VMP1: variants seen among roughly 807,000 people sequenced by gnomAD.
VMP1 encodes the protein ectopic P-granules autophagy protein 3 homolog.
Under a neutral mutation model 56.0 loss-of-function variants are expected in VMP1, and 11 were observed. That is an observed-to-expected ratio of 0.20 (90% CI 0.12 to 0.32). VMP1 has a LOEUF of 0.32. VMP1 is among the 10% of genes least tolerant of loss of function. The probability of loss-of-function intolerance (pLI) is 1.00; values close to 1 mark genes in which losing one functional copy is unlikely to be tolerated. For synonymous variants in VMP1, 149 were observed against 165.0 expected (o/e 0.90, Z 0.74); for missense variants, 296 against 490.3 (o/e 0.60, Z 3.74).
intron 10 of VMP1, among the ~76,000 whole-genome samples, chr17:59,822,220 CA>C (rs991082088): frequency 1.3e-5 from 2 of 151,924 alleles, no homozygotes; most frequent in African/African-American, 4.8e-5. Flanking sequence ...TATCAGATCC[CA>C]AAGGGTATCC....
At chr17:59,803,579 G>C (rs2037746503) in intron 7 of VMP1, among the ~76,000 whole-genome samples, 1 of 152,114 alleles carries the variant, frequency 6.6e-6, no homozygotes, top group Admixed American at 6.6e-5. Context: ...ATCATCTCAG[G>C]CACTTAAGTT....
chr17:59,799,729 A>G (rs1232877065), intron 7 of VMP1, among the ~76,000 whole-genome samples: 3 of 152,156 alleles, frequency 2.0e-5, no homozygotes, highest in Non-Finnish European at 4.4e-5. Flanking sequence ...TTGGGAGGCC[A>G]AGGCGGGAGG....
intron 7 of VMP1, among the ~76,000 whole-genome samples, chr17:59,805,004 T>C (rs2037799399): frequency 6.6e-6 from 1 of 152,196 alleles, no homozygotes; most frequent in Admixed American, 6.5e-5. Context: ...TAATAAAATT[T>C]GTGAAATCCT....
At chr17:59,823,701 A>C (rs549412700) in intron 10 of VMP1, among the ~76,000 whole-genome samples, 2 of 152,172 alleles carry the variant, frequency 1.3e-5, no homozygotes, top group East Asian at 3.9e-4. Flanking sequence ...CAGTGAGCTG[A>C]GATCACGCCA....
At position 59,753,666 on chromosome 17, in the gene VMP1, C is replaced by T. The variant is rs78138730; in HGVS notation, c.415-11305C>T. ...TTTCCTGGCAAAAGACTTCACAAAG[C>T]CCCATATCCCTTTCAGTTAAGCCCA... On this transcript the variant is annotated intron_variant, in intron 5 of 11. Transcript: ENST00000262291. Among the ~76,000 whole-genome samples, 292 of 152,252 alleles carry T rather than the reference C, an allele frequency of 1.9e-3. 2 individuals carry two copies. The highest frequency in any genetic ancestry group is 6.7e-3 in the African/African-American group (277 of 41,538).
At chr17:59,714,731 A>G (rs1211671287) in intron 1 of VMP1, among the ~76,000 whole-genome samples, 2 of 152,156 alleles carry the variant, frequency 1.3e-5, no homozygotes, top group Non-Finnish European at 2.9e-5. Context: ...TTGCAGTGGC[A>G]CGATCACAGC....
chr17:59,800,279 G>A (rs924620290), intron 7 of VMP1, among the ~76,000 whole-genome samples: 2 of 152,070 alleles, frequency 1.3e-5, no homozygotes, highest in Non-Finnish European at 2.9e-5. Flanking sequence ...TACGTTATTA[G>A]GGTCTTAATA....
intron 6 of VMP1, among the ~76,000 whole-genome samples, chr17:59,772,299 A>G (rs1479025379): frequency 6.6e-6 from 1 of 151,826 alleles, no homozygotes; most frequent in Non-Finnish European, 1.5e-5. Context: ...ACTCTTTTTC[A>G]AAATTCTTGT....
chr17:59,841,441 A>G lies in VMP1; in HGVS notation c.*1530A>G, dbSNP rs976414345. On this transcript the variant is annotated 3_prime_UTR_variant, in exon 12 of 12. Coordinates refer to ENST00000262291, the MANE Select transcript of VMP1 (RefSeq NM_030938.5). ...AACTCTGGTCCTTCTGTCTGGTGGCACTTAGAGTCTTTTGTGCCATAATGC... is the reference window on the plus strand; with the variant it reads ...AACTCTGGTCCTTCTGTCTGGTGGCGCTTAGAGTCTTTTGTGCCATAATGC... 1 of 343,214 alleles carries G rather than the reference A, an allele frequency of 2.9e-6. No individual in the cohort carries two copies. The highest frequency in any genetic ancestry group is 7.1e-5 in the East Asian group (1 of 14,102). The allele number at this position is 343,214 out of a possible 1,614,324, so 21.3% of individuals were successfully genotyped here. A position where few individuals can be genotyped will look rare whatever the true frequency, so the allele number is the denominator to read the frequency against.
intron 7 of VMP1, 49 bp from the exon 8 acceptor site, chr17:59,808,747 C>G: frequency 3.5e-6 from 5 of 1,435,672 alleles, no homozygotes; most frequent in Non-Finnish European, 4.9e-6. Flanking sequence ...AACCATCTTT[C>G]CTTCTTTTCC....
chr17:59,837,380 G>T (rs2039016304), intron 10 of VMP1, among the ~76,000 whole-genome samples: 1 of 152,126 alleles, frequency 6.6e-6, no homozygotes, highest in African/African-American at 2.4e-5. Flanking sequence ...AGAAAATAGA[G>T]ATGTTTGATT....
intron 5 of VMP1, among the ~76,000 whole-genome samples, chr17:59,758,398 C>CT (rs2035925007): frequency 6.6e-6 from 1 of 152,182 alleles, no homozygotes; most frequent in Non-Finnish European, 1.5e-5. Flanking sequence ...ACGTTTTCAA[C>CT]TATGTATGTG....
At chr17:59,798,145 C>G (rs1242064479) in intron 7 of VMP1, among the ~76,000 whole-genome samples, 1 of 152,136 alleles carries the variant, frequency 6.6e-6, no homozygotes, top group Non-Finnish European at 1.5e-5. Context: ...GTTTAAAAAA[C>G]TACTCATACT....
intron 5 of VMP1, among the ~76,000 whole-genome samples, chr17:59,763,250 T>C (rs1203257977): frequency 6.6e-6 from 1 of 152,108 alleles, no homozygotes; most frequent in Non-Finnish European, 1.5e-5. Context: ...TTGGGGTTTT[T>C]TTGTAGTATC....
intron 10 of VMP1, among the ~76,000 whole-genome samples, chr17:59,830,471 T>G (rs1418716113): frequency 6.6e-6 from 1 of 152,210 alleles, no homozygotes; most frequent in Non-Finnish European, 1.5e-5. Context: ...CTTTAGACTT[T>G]GTGATTAATC....
At chr17:59,738,980 G>T in intron 5 of VMP1, 33 bp downstream of exon 5, 4 of 1,488,660 alleles carry the variant, frequency 2.7e-6, no homozygotes, top group Non-Finnish European at 3.6e-6. Context: ...AAGCAAAAAT[G>T]ATATTTCCTA....
intron 5 of VMP1, among the ~76,000 whole-genome samples, chr17:59,754,199 A>T (rs541262414): frequency 2.0e-5 from 3 of 152,318 alleles, no homozygotes; most frequent in East Asian, 3.9e-4. Context: ...AACAAAAAAA[A>T]TTATACATTT....
intron 7 of VMP1, among the ~76,000 whole-genome samples, chr17:59,775,550 G>A (rs563070484): frequency 1.3e-5 from 2 of 149,904 alleles, no homozygotes; most frequent in South Asian, 4.3e-4. Context: ...TCAAACTCCT[G>A]GGCTCAAGTG....
At chr17:59,751,406 A>G (rs2035637272) in intron 5 of VMP1, among the ~76,000 whole-genome samples, 1 of 152,114 alleles carries the variant, frequency 6.6e-6, no homozygotes, top group Non-Finnish European at 1.5e-5. Flanking sequence ...TCTTTGGTTC[A>G]TCTCTATGCA....
Sources: gnomAD v4.1 joint callset for allele counts (sites outside exome capture counted in the v4.1 genomes callset) on GRCh38, gnomAD v4.1.1 for gene constraint, MANE v1.5 for transcripts, NCBI Gene and HGNC (gene_info 2026-07-23, HGNC 2026-07-21) for gene names.